ADAMTS20: variants seen among roughly 807,000 people sequenced by gnomAD.
ADAMTS20 encodes the protein A disintegrin and metalloproteinase with thrombospondin motifs 20.
Under a neutral mutation model 260.1 loss-of-function variants are expected in ADAMTS20, and 225 were observed. The observed-to-expected ratio is 0.87, with a 90% CI of 0.78 to 0.97. The LOEUF is 0.97. ADAMTS20 is among the 50% of genes least tolerant of loss of function. The pLI, the probability that ADAMTS20 is intolerant of heterozygous loss-of-function variation, is 0.00. For synonymous variants in ADAMTS20, 802 were observed against 769.5 expected, an observed-to-expected ratio of 1.04 and a Z score of -0.70; for missense variants, 2,400 against 2,337.7, an observed-to-expected ratio of 1.03 and a Z score of -0.55.
chr12:43,422,375 A>G lies in ADAMTS20; in HGVS notation c.4284+3139T>C, dbSNP rs114728964. 6.0e-3 allele frequency among the ~76,000 whole-genome samples: 910 copies of G among 152,132 alleles called. 11 individuals carry two copies. The highest frequency in any genetic ancestry group is 0.021 in the African/African-American group (859 of 41,562). On this transcript the variant is annotated intron_variant, in intron 28 of 38. Transcript: ENST00000389420. ...TTGAAGTTAAAGTTATCCATGAAAG[A>G]ATATTAATCTAATATGCTAATAAGC...
At position 43,439,744 on chromosome 12, in the gene ADAMTS20, C is replaced by T. The variant is rs2137324522; in HGVS notation, c.2471G>A (p.Cys824Tyr). Residue 824 changes from cysteine to tyrosine, a missense_variant, in exon 18 of 39, where the codon TGT becomes TAT. By Grantham distance (194) the Cys-to-Tyr change is radical. Coordinates refer to ENST00000389420, the MANE Select transcript of ADAMTS20 (RefSeq NM_025003.5). ...QEKELILQVL[C>Y]VGNLYNPDVH... is the part of the protein sequence containing the mutation. ...ATCAGGGTTGTATAAATTACCCACA[C>T]ACAACACCTCAATAAGAATATAAAA... The T allele has an allele frequency of 1.2e-6, 2 of 1,607,308 alleles. No individual in the cohort carries two copies. The highest frequency in any genetic ancestry group is 1.7e-6 in the Non-Finnish European group (2 of 1,177,080).
intron 29 of ADAMTS20, among the ~76,000 whole-genome samples, chr12:43,388,894 A>G (rs936248064): frequency 3.3e-5 from 5 of 152,180 alleles, no homozygotes; most frequent in Non-Finnish European, 5.9e-5. Flanking sequence ...TGGTTCCTAC[A>G]GGGCACCCTC....
chr12:43,394,314 G>A (rs1940656123), intron 29 of ADAMTS20, among the ~76,000 whole-genome samples: 1 of 151,910 alleles, frequency 6.6e-6, no homozygotes, highest in Non-Finnish European at 1.5e-5. Context: ...TTTTCTCTAG[G>A]GATATGGAAA....
intron 28 of ADAMTS20, among the ~76,000 whole-genome samples, chr12:43,405,417 CTAATAATAATAATAATAATAATAATAA>C (rs66970122): frequency 0.1 from 14,213 of 135,724 alleles, 896 homozygotes; most frequent in African/African-American, 0.12. Flanking sequence ...GACGTCTTCT[CTAATAATAATAATAATAATAATAATAA>C]TAATAATAAT....
rs116255992 is a variant in ADAMTS20 at position 43,537,016 on chromosome 12, T to C, written c.454-4821A>G. Among the ~76,000 whole-genome samples the C allele has an allele frequency of 8.2e-3, 1,242 of 152,308 alleles. 18 individuals carry two copies. Among genetic ancestry groups the C allele is most frequent in the African/African-American group, 0.028 (1,148 of 41,560 alleles). ...ATCTTAATATAGAGATACTTTGAAATCATTGTTTTAAATTCCACTGCAAAT... is the reference window on the plus strand; with the variant it reads ...ATCTTAATATAGAGATACTTTGAAACCATTGTTTTAAATTCCACTGCAAAT... On this transcript the variant is annotated intron_variant, in intron 2 of 38. Transcript: ENST00000389420.
intron 18 of ADAMTS20, among the ~76,000 whole-genome samples, chr12:43,435,470 C>A (rs1941533314): frequency 6.6e-6 from 1 of 151,642 alleles, no homozygotes; most frequent in South Asian, 2.1e-4. Flanking sequence ...GAAACCCCGT[C>A]TCTATTAAAA....
intron 37 of ADAMTS20, among the ~76,000 whole-genome samples, chr12:43,358,288 T>C (rs1939786481): frequency 1.3e-5 from 2 of 152,210 alleles, no homozygotes; most frequent in African/African-American, 4.8e-5. Context: ...AGTCTAGAAC[T>C]ATCGATTGTT....
intron 7 of ADAMTS20, among the ~76,000 whole-genome samples, chr12:43,487,465 C>T (rs1453873718): frequency 6.6e-6 from 1 of 151,952 alleles, no homozygotes; most frequent in Non-Finnish European, 1.5e-5. Flanking sequence ...GAAAAACTAC[C>T]TATTAGGTAC....
chr12:43,377,188 T>C (rs1940248256), intron 32 of ADAMTS20, among the ~76,000 whole-genome samples, 177 bp downstream of exon 32: 1 of 152,212 alleles, frequency 6.6e-6, no homozygotes, highest in African/African-American at 2.4e-5. Context: ...AAGCGAGTTA[T>C]AGCAAGCATC....
At chr12:43,463,722 A>G (rs1942105397) in intron 10 of ADAMTS20, among the ~76,000 whole-genome samples, 1 of 152,182 alleles carries the variant, frequency 6.6e-6, no homozygotes, top group South Asian at 2.1e-4. Flanking sequence ...CCTGTCCTAC[A>G]TTCTCTAATT....
intron 20 of ADAMTS20, 27 bp downstream of exon 20, chr12:43,432,574 T>G (rs768432211): frequency 1.9e-6 from 3 of 1,609,114 alleles, no homozygotes; most frequent in Non-Finnish European, 2.5e-6. Flanking sequence ...AGGGGCAACT[T>G]TTTTTAAGCA....
chr12:43,449,029 G>A (rs566533183), intron 14 of ADAMTS20, among the ~76,000 whole-genome samples: 27 of 152,300 alleles, frequency 1.8e-4, no homozygotes, highest in South Asian at 1.0e-3. Context: ...GTTATACACC[G>A]TTGGTGGGAG....
intron 37 of ADAMTS20, among the ~76,000 whole-genome samples, chr12:43,357,462 G>A (rs1939769490): frequency 6.6e-6 from 1 of 152,006 alleles, no homozygotes. Context: ...AATAAACTCT[G>A]TATATATAAT....
At chr12:43,361,132 T>C (rs570221881) in intron 37 of ADAMTS20, among the ~76,000 whole-genome samples, 19 of 152,342 alleles carry the variant, frequency 1.2e-4, no homozygotes, top group Admixed American at 3.9e-4. Context: ...AAGAGTGCCA[T>C]ATGTGTCCAT....
intron 29 of ADAMTS20, among the ~76,000 whole-genome samples, chr12:43,398,852 TA>T (rs979092606): frequency 1.2e-4 from 18 of 152,090 alleles, no homozygotes; most frequent in Non-Finnish European, 2.4e-4. Flanking sequence ...CTTAATTTTT[TA>T]AAAAATCAAA....
chr12:43,432,173 C>T, intron 21 of ADAMTS20, 131 bp downstream of exon 21: 1 of 1,065,310 alleles, frequency 9.4e-7, no homozygotes, highest in Non-Finnish European at 1.3e-6. Context: ...AAATTTCTGA[C>T]AGCTTTGATA....
chr12:43,432,587 C>A lies in ADAMTS20; in HGVS notation c.2931+14G>T, dbSNP rs749921172. The A allele has an allele frequency of 6.2e-6, 10 of 1,610,564 alleles. No individual in the cohort carries two copies. Among genetic ancestry groups the A allele is most frequent in the Non-Finnish European group, 7.6e-6 (9 of 1,178,402 alleles). On this transcript the variant is annotated intron_variant, in intron 20 of 38. Transcript: ENST00000389420. ...AAAGGGGCAACTTTTTTTAAGCAAT[C>A]ATTTTTATTGTACCTGAGACCATTC...
rs1366013410 is a variant in ADAMTS20 at position 43,354,101 on chromosome 12, A to G, written c.*108T>C. On this transcript the variant is annotated 3_prime_UTR_variant, in exon 39 of 39. Coordinates refer to ENST00000389420, the MANE Select transcript of ADAMTS20 (RefSeq NM_025003.5). ...CACCCTGAAAAAAAGGCAGAGACATATTGGACATGGAAATCTCGGGAAGGG... is the reference window on the plus strand; with the variant it reads ...CACCCTGAAAAAAAGGCAGAGACATGTTGGACATGGAAATCTCGGGAAGGG... The G allele has an allele frequency of 2.5e-6, 2 of 795,260 alleles. No individual in the cohort carries two copies. The highest frequency in any genetic ancestry group is 3.9e-6 in the Non-Finnish European group (2 of 515,220). 49.3% of individuals were successfully genotyped at this position (795,260 alleles called of 1,614,324 possible).
At chr12:43,406,732 A>G (rs1454462782) in intron 28 of ADAMTS20, among the ~76,000 whole-genome samples, 1 of 152,088 alleles carries the variant, frequency 6.6e-6, no homozygotes, top group African/African-American at 2.4e-5. Flanking sequence ...AAAATCTTAG[A>G]TATGAGTTTA....
Sources: gnomAD v4.1 joint callset for allele counts (sites outside exome capture counted in the v4.1 genomes callset) on GRCh38, gnomAD v4.1.1 for gene constraint, MANE v1.5 for transcripts, NCBI Gene and HGNC (gene_info 2026-07-23, HGNC 2026-07-21) for gene names.